The following UBE2W variants were observed in gnomAD, a reference collection of about 807,000 sequenced individuals.
The protein encoded by UBE2W is ubiquitin conjugating enzyme E2 W, also known as ubiquitin-conjugating enzyme E2 W.
A neutral mutation model predicts 27.2 loss-of-function variants in UBE2W; 18 were observed. The ratio of observed to expected loss-of-function variants is 0.66; its 90% CI spans 0.46 to 0.98. The LOEUF is 0.98. UBE2W is among the 50% of genes least tolerant of loss of function. The pLI is 0.00. For missense variants in UBE2W, 90 were observed against 180.2 expected (o/e 0.50, Z 2.87); for synonymous variants, 53 against 57.2 (o/e 0.93, Z 0.33).
At chr8:73,868,766 G>A (rs1811881226) in intron 1 of UBE2W, among the ~76,000 whole-genome samples, 2 of 151,356 alleles carry the variant, frequency 1.3e-5, no homozygotes, top group South Asian at 4.2e-4. Context: ...TTGTGGGCGA[G>A]TACATAAGAA....
Position 73,789,210 on chromosome 8 carries a change from C to T in UBE2W, c.*4892G>A. The T allele has an allele frequency of 1.0e-6, 1 of 977,556 alleles. No individual in the cohort carries two copies. Among genetic ancestry groups the T allele is most frequent in the Non-Finnish European group, 1.2e-6 (1 of 828,532 alleles). 60.6% of individuals were successfully genotyped at this position (977,556 alleles called of 1,614,324 possible). ...AACAGACGAGGCATGGTGGCTTGCA[C>T]CTGTAATCCCAGCATTTTGGGAGGC... On this transcript the variant is annotated 3_prime_UTR_variant, in exon 6 of 6. Transcript: ENST00000602593.
rs1447319110 is a variant in UBE2W, at chr8:73,793,111, A to G, written c.*991T>C. On this transcript the variant is annotated 3_prime_UTR_variant, in exon 6 of 6. Transcript: ENST00000602593. Reference sequence around the variant, plus strand: ...TAACATTCAAACTTGACTTATAACAAAAGAAACAAGATTGCAAACAAAAAT... The same window carrying G: ...TAACATTCAAACTTGACTTATAACAGAAGAAACAAGATTGCAAACAAAAAT... 3.0e-6 allele frequency: 3 copies of G among 985,740 alleles called. No individual in the cohort carries two copies. The highest frequency in any genetic ancestry group is 6.1e-5 in the Admixed American group (1 of 16,268). 61.1% of individuals were successfully genotyped at this position (985,740 alleles called of 1,614,324 possible).
Position 73,787,165 on chromosome 8 carries a change from T to G in UBE2W, c.*6937A>C, listed in dbSNP as rs2130829905. On this transcript the variant is annotated 3_prime_UTR_variant, in exon 6 of 6. Transcript: ENST00000602593. ...ATTAAAAATAAATCTTACAGGCAAC[T>G]AAAAAAATGGTTGAAAGGGGCTCCC... 1 of 985,322 alleles carries G rather than the reference T, an allele frequency of 1.0e-6. No individual in the cohort carries two copies. Among genetic ancestry groups the G allele is most frequent in the East Asian group, 1.1e-4 (1 of 8,804 alleles). The allele number at this position is 985,322 out of a possible 1,614,324, so 61.0% of individuals were successfully genotyped here.
At chr8:73,833,294 A>T (rs1308974079) in intron 1 of UBE2W, among the ~76,000 whole-genome samples, 1 of 151,688 alleles carries the variant, frequency 6.6e-6, no homozygotes, top group Non-Finnish European at 1.5e-5. Context: ...TTATGCAAAA[A>T]GCCTTTCAAA....
In UBE2W at chr8:73,810,634, G is replaced by A. The variant is rs1461463879; in HGVS notation, c.211-5C>T. ...ATTTTCACCAGTAAACATGACCTAA[G>A]AGAGAATAAAATTCCATTAAAACTC... On this transcript the variant is annotated splice_polypyrimidine_tract_variant and splice_region_variant and intron_variant, in intron 3 of 5. Coordinates refer to ENST00000602593, the MANE Select transcript of UBE2W (RefSeq NM_018299.6). 13 of 1,549,822 alleles carry A rather than the reference G, an allele frequency of 8.4e-6. 1 individual carries two copies. The African/African-American group carries it at 1.3e-4, about 15-fold the overall frequency.
chr8:73,860,983 T>C (rs1174822562), intron 1 of UBE2W, among the ~76,000 whole-genome samples: 4 of 152,062 alleles, frequency 2.6e-5, no homozygotes, highest in African/African-American at 9.7e-5. Flanking sequence ...CTGAGCATGG[T>C]GGCATGTACC....
intron 1 of UBE2W, among the ~76,000 whole-genome samples, chr8:73,851,596 AT>A (rs1176074551): frequency 3.3e-5 from 5 of 152,244 alleles, no homozygotes; most frequent in African/African-American, 1.2e-4. Flanking sequence ...GTATTTTTAA[AT>A]AAAAATATGA....
At chr8:73,783,003 T>G (rs1460429412), downstream of UBE2W, among the ~76,000 whole-genome samples, 3 of 152,220 alleles carry the variant, frequency 2.0e-5, no homozygotes. Context: ...ATTTGTATTT[T>G]GCTAAGGACT....
intron 5 of UBE2W, among the ~76,000 whole-genome samples, chr8:73,797,863 C>A (rs551668242): frequency 3.3e-5 from 5 of 152,192 alleles, no homozygotes; most frequent in South Asian, 2.1e-4. Context: ...TTAAGTTACA[C>A]GGGGTGAGCA....
Position 73,794,034 on chromosome 8 carries a change from A to G in UBE2W, c.*68T>C. 3 of 1,607,072 alleles carry G rather than the reference A, an allele frequency of 1.9e-6. No homozygotes were observed. The highest frequency in any genetic ancestry group is 2.5e-6 in the Non-Finnish European group (3 of 1,177,044). On this transcript the variant is annotated 3_prime_UTR_variant, in exon 6 of 6. Coordinates refer to ENST00000602593, the MANE Select transcript of UBE2W (RefSeq NM_018299.6). ...TCCAGTCAAAGGTTAAAGTTCAAAG[A>G]CTGAATGATCAAAGTGCTCATTTTC... is the stretch of plus-strand genomic sequence containing the variant.
rs1175906771 is a variant in UBE2W at position 73,805,722 on chromosome 8, C to T, written c.371G>A (p.Arg124Gln). ...SMLSSCKEKR[R>Q]PPDNSFYVRT... ...CACATAAAAAGAATTATCCGGTGGTCGTCTCTGAAACAAAAAATAATTTAA... is the reference window on the plus strand; with the variant it reads ...CACATAAAAAGAATTATCCGGTGGTTGTCTCTGAAACAAAAAATAATTTAA... The change falls in exon 5 of 6, where the codon CGA becomes CAA. Residue 124 changes from arginine to glutamine, a missense_variant. Physicochemically the swap from Arg to Gln is conservative, Grantham distance 43. Coordinates refer to ENST00000602593, the MANE Select transcript of UBE2W (RefSeq NM_018299.6). 5 of 1,503,930 alleles carry T rather than the reference C, an allele frequency of 3.3e-6. No homozygotes were observed. Among genetic ancestry groups the T allele is most frequent in the Non-Finnish European group, 2.7e-6 (3 of 1,116,298 alleles). The allele number at this position is 1,503,930 out of a possible 1,614,324, so 93.2% of individuals were successfully genotyped here. A position where few individuals can be genotyped will look rare whatever the true frequency, so the allele number is the denominator to read the frequency against.
intron 3 of UBE2W, among the ~76,000 whole-genome samples, chr8:73,820,560 A>G (rs1809566914): frequency 6.6e-6 from 1 of 151,942 alleles, no homozygotes; most frequent in Admixed American, 6.6e-5. Flanking sequence ...AACATGGTGA[A>G]ACCTTGTTTC....
At chr8:73,796,965 A>G (rs566742686) in intron 5 of UBE2W, among the ~76,000 whole-genome samples, 45 of 152,216 alleles carry the variant, frequency 3.0e-4, no homozygotes, top group Non-Finnish European at 5.7e-4. Flanking sequence ...AAGGTGGTAA[A>G]AGAATGGTAT....
chr8:73,853,955 C>A (rs1811179661), intron 1 of UBE2W, among the ~76,000 whole-genome samples: 1 of 151,928 alleles, frequency 6.6e-6, no homozygotes, highest in African/African-American at 2.4e-5. Context: ...TCAAGGCCAT[C>A]CAGGGCAACA....
At chr8:73,876,284 T>C (rs899237403) in intron 1 of UBE2W, among the ~76,000 whole-genome samples, 2 of 152,022 alleles carry the variant, frequency 1.3e-5, no homozygotes, top group African/African-American at 4.8e-5. Flanking sequence ...ATGTATAATC[T>C]AGTTGTCTTA....
chr8:73,874,611 T>C (rs1186797988), intron 1 of UBE2W, among the ~76,000 whole-genome samples: 1 of 152,234 alleles, frequency 6.6e-6, no homozygotes, highest in African/African-American at 2.4e-5. Flanking sequence ...TAAAAGTTTC[T>C]ACCAAATAAT....
At chr8:73,846,359 G>A (rs1810798005) in intron 1 of UBE2W, among the ~76,000 whole-genome samples, 1 of 152,080 alleles carries the variant, frequency 6.6e-6, no homozygotes, top group South Asian at 2.1e-4. Context: ...TTGCACCACT[G>A]CACTCCAGCC....
At chr8:73,867,279 G>A (rs1427294864) in intron 1 of UBE2W, among the ~76,000 whole-genome samples, 1 of 152,190 alleles carries the variant, frequency 6.6e-6, no homozygotes, top group Admixed American at 6.5e-5. Flanking sequence ...GCTCACGCCT[G>A]TAATCCCAGC....
chr8:73,787,193 C>A lies in UBE2W; in HGVS notation c.*6909G>T. 1.0e-6 allele frequency: 1 copy of A among 985,424 alleles called. No homozygotes were observed. Among genetic ancestry groups the A allele is most frequent in the Non-Finnish European group, 1.2e-6 (1 of 829,928 alleles). The allele number at this position is 985,424 out of a possible 1,614,324, so 61.0% of individuals were successfully genotyped here. ...AAAAATGGTTGAAAGGGGCTCCCAA[C>A]AGGACAGATAACCACAGTGGCTTTG... On this transcript the variant is annotated 3_prime_UTR_variant, in exon 6 of 6. Transcript: ENST00000602593.
Sources: gnomAD v4.1 joint callset for allele counts (sites outside exome capture counted in the v4.1 genomes callset) on GRCh38, gnomAD v4.1.1 for gene constraint, MANE v1.5 for transcripts, NCBI Gene and HGNC (gene_info 2026-07-23, HGNC 2026-07-21) for gene names.